Variants in PNPLA1 observed in about 807,000 individuals in gnomAD.
The protein encoded by PNPLA1 is patatin like domain 1, omega-hydroxyceramide transacylase, also known as omega-hydroxyceramide transacylase.
A neutral mutation model predicts 51.7 loss-of-function variants in PNPLA1; 36 were observed. That is an observed-to-expected ratio of 0.70 (90% CI 0.53 to 0.92). The LOEUF (loss-of-function observed/expected upper bound fraction) is 0.92, where lower values mean the gene tolerates loss of function less well. Ranked by LOEUF, PNPLA1 falls within the 40% of genes least tolerant of loss-of-function variation. The pLI, the probability that PNPLA1 is intolerant of heterozygous loss-of-function variation, is 0.00. For missense variants in PNPLA1, 658 were observed against 682.5 expected (o/e 0.96, Z 0.40); for synonymous variants, 293 against 280.1 (o/e 1.05, Z -0.46).
In PNPLA1 at chr6:36,302,287, C is replaced by T. The variant is rs1223353380; in HGVS notation, c.1202C>T (p.Pro401Leu). Residue 401 changes from proline to leucine, a missense_variant, in exon 6 of 9, where the codon CCT (proline) becomes CTT (leucine). Physicochemically the swap from Pro to Leu is moderately conservative, Grantham distance 98. Coordinates refer to ENST00000636260, the MANE Select transcript of PNPLA1 (RefSeq NM_001374623.1). ...CCACCTGGACTGTCACCTCTGTCACCTCAGCAGCAGGTACAACCGTCTGGA... is the reference window on the plus strand; with the variant it reads ...CCACCTGGACTGTCACCTCTGTCACTTCAGCAGCAGGTACAACCGTCTGGA... ...TPPPGLSPLS[P>L]QQQVQPSGSP... The T allele has an allele frequency of 2.5e-6, 4 of 1,614,062 alleles. No homozygotes were observed. In the African/African-American group the frequency reaches 5.3e-5, roughly 22 times the overall value.
At chr6:36,295,563 G>A (rs1347477397) in intron 5 of PNPLA1, 139 bp downstream of exon 5, 2 of 929,514 alleles carry the variant, frequency 2.2e-6, no homozygotes, top group African/African-American at 1.6e-5. Flanking sequence ...CTGGAAATGG[G>A]GGTGGGGACC....
In PNPLA1 at chr6:36,304,605, C is replaced by T. The variant is rs566475688; in HGVS notation, c.1385-1687C>T. 1.6e-4 allele frequency among the ~76,000 whole-genome samples: 21 copies of T among 128,504 alleles called. No homozygotes were observed. The South Asian group carries it at 3.9e-3, about 24-fold the overall frequency. 84.3% of individuals were successfully genotyped at this position (128,504 alleles called of 152,430 possible). On this transcript the variant is annotated intron_variant, in intron 6 of 8. Transcript: ENST00000636260. ...TCGTGCCACTGCACTCCAGCCTGGG[C>T]GACAGAGTGAGACTCCGTCTCAGGA...
At chr6:36,308,947 T>C (rs536446135) in intron 8 of PNPLA1, among the ~76,000 whole-genome samples, 68 of 152,284 alleles carry the variant, frequency 4.5e-4, no homozygotes, top group Non-Finnish European at 7.1e-4. Flanking sequence ...CTGGGCAACA[T>C]AGTATTCTCT....
chr6:36,296,471 CA>C (rs1314678668), intron 5 of PNPLA1, among the ~76,000 whole-genome samples: 1 of 152,084 alleles, frequency 6.6e-6, no homozygotes, highest in Non-Finnish European at 1.5e-5. Context: ...TTTGCTTGAT[CA>C]TTCCTTTGAG....
intron 1 of PNPLA1, among the ~76,000 whole-genome samples, chr6:36,277,407 G>A (rs1770139056): frequency 1.3e-5 from 2 of 152,192 alleles, no homozygotes; most frequent in Non-Finnish European, 2.9e-5. Flanking sequence ...TTATTTTTGG[G>A]AGGCCATGTG....
chr6:36,256,987 T>C (rs1769547502), intron 1 of PNPLA1, among the ~76,000 whole-genome samples: 1 of 152,096 alleles, frequency 6.6e-6, no homozygotes, highest in Admixed American at 6.6e-5. Flanking sequence ...AGATTAACGG[T>C]TCTGAAGAAC....
At position 36,270,351 on chromosome 6, in the gene PNPLA1, T is replaced by G. The variant is rs1582045469; in HGVS notation, c.-109T>G. The G allele has an allele frequency of 8.9e-7, 1 of 1,123,150 alleles. No homozygotes were observed. Among genetic ancestry groups the G allele is most frequent in the Non-Finnish European group, 1.3e-6 (1 of 773,276 alleles). 69.6% of individuals were successfully genotyped at this position (1,123,150 alleles called of 1,614,324 possible). ...GACAGCCACATTCCAAGCTCCGGGGTGGCAGGGAAGCTGGGTAGGGAGTTC... is the reference window on the plus strand; with the variant it reads ...GACAGCCACATTCCAAGCTCCGGGGGGGCAGGGAAGCTGGGTAGGGAGTTC... On this transcript the variant is annotated 5_prime_UTR_variant, in exon 1 of 9. Coordinates refer to ENST00000636260, the MANE Select transcript of PNPLA1 (RefSeq NM_001374623.1).
At position 36,261,535 on chromosome 6, in the gene PNPLA1, G is replaced by A. The variant is rs368495336; in HGVS notation, c.-81+18274G>A. Among the ~76,000 whole-genome samples, 84 of 152,332 alleles carry A rather than the reference G, an allele frequency of 5.5e-4. 1 individual carries two copies. Among genetic ancestry groups the A allele is most frequent in the African/African-American group, 1.9e-3 (81 of 41,580 alleles). On this transcript the variant is annotated intron_variant, in intron 1 of 7. Transcript: ENST00000312917. ...AGTTAGGTTACAATTCATTCATCAG[G>A]CTTGTGAGTTTGGTGAACGTGTGTT...
chr6:36,283,120 A>G (rs1770373059), intron 1 of PNPLA1, among the ~76,000 whole-genome samples: 1 of 152,212 alleles, frequency 6.6e-6, no homozygotes, highest in African/African-American at 2.4e-5. Context: ...ATCTTACATA[A>G]CCATGGTCCA....
intron 1 of PNPLA1, among the ~76,000 whole-genome samples, chr6:36,251,602 G>A (rs1411516184): frequency 6.6e-6 from 1 of 152,088 alleles, no homozygotes; most frequent in African/African-American, 2.4e-5. Flanking sequence ...GGCCAAATAT[G>A]TAAACTTGTT....
intron 1 of PNPLA1, among the ~76,000 whole-genome samples, chr6:36,263,148 A>C (rs1282842079): frequency 6.6e-6 from 1 of 152,234 alleles, no homozygotes; most frequent in African/African-American, 2.4e-5. Context: ...ATAAACACAA[A>C]AAAATATAAA....
intron 1 of PNPLA1, among the ~76,000 whole-genome samples, chr6:36,251,515 G>A (rs1321689473): frequency 2.0e-5 from 3 of 152,220 alleles, no homozygotes; most frequent in African/African-American, 7.2e-5. Flanking sequence ...GTCAAGTTCA[G>A]GTGGAAGCAT....
At chr6:36,301,813 A>G in intron 5 of PNPLA1, 48 bp from the exon 6 acceptor site, 6 of 1,572,608 alleles carry the variant, frequency 3.8e-6, no homozygotes, top group Non-Finnish European at 5.2e-6. Context: ...TGCAAAGGCC[A>G]TGCTGCTGCC....
At chr6:36,277,507 A>C (rs972019211) in intron 1 of PNPLA1, among the ~76,000 whole-genome samples, 1 of 152,218 alleles carries the variant, frequency 6.6e-6, no homozygotes, top group Admixed American at 6.5e-5. Context: ...AACAACCATA[A>C]TCAATGGCAT....
At chr6:36,301,734 CAAGT>C (rs1771055121) in intron 5 of PNPLA1, 123 bp from the exon 6 acceptor site, 1 of 1,280,926 alleles carries the variant, frequency 7.8e-7, no homozygotes, top group South Asian at 1.4e-5. Context: ...ACTGTAAATT[CAAGT>C]AAGTACAGAA....
intron 1 of PNPLA1, among the ~76,000 whole-genome samples, chr6:36,280,951 G>C (rs1056799545): frequency 2.0e-4 from 30 of 152,094 alleles, no homozygotes; most frequent in African/African-American, 7.2e-4. Context: ...CACCATGTCT[G>C]GCTAATTTTT....
Position 36,255,833 on chromosome 6 carries a change from A to G in PNPLA1, c.-81+12572A>G, listed in dbSNP as rs542418588. ...GCCGCTAACATCTCTATTGCAGTTT[A>G]TAGTTTACAGGAGTCCTTCTCAAAC... On this transcript the variant is annotated intron_variant, in intron 1 of 7. Transcript: ENST00000312917. 3.9e-5 allele frequency among the ~76,000 whole-genome samples: 6 copies of G among 152,360 alleles called. No individual in the cohort carries two copies. In the South Asian group the frequency reaches 1.2e-3, roughly 32 times the overall value.
intron 1 of PNPLA1, among the ~76,000 whole-genome samples, chr6:36,247,887 T>C (rs1769331924): frequency 6.6e-6 from 1 of 152,224 alleles, no homozygotes; most frequent in South Asian, 2.1e-4. Flanking sequence ...AACGTTTGGA[T>C]GGCTGTGATT....
At chr6:36,299,333 C>CTTTTTT (rs56352900) in intron 5 of PNPLA1, among the ~76,000 whole-genome samples, 8 of 142,362 alleles carry the variant, frequency 5.6e-5, no homozygotes, top group African/African-American at 1.1e-4. Context: ...GTTTTTTTGT[C>CTTTTTT]TGTTTTTTTT....
Sources: allele counts gnomAD v4.1 joint callset (sites outside exome capture counted in the v4.1 genomes callset), GRCh38; gene constraint gnomAD v4.1.1; transcripts MANE v1.5; gene names NCBI Gene and HGNC (gene_info 2026-07-23, HGNC 2026-07-21).